DPP10: variants seen among roughly 807,000 people sequenced by gnomAD.
The protein encoded by DPP10 is dipeptidyl peptidase like 10.
Under a neutral mutation model 120.9 loss-of-function variants are expected in DPP10, and 33 were observed. The ratio of observed to expected loss-of-function variants is 0.27; its 90% confidence interval spans 0.21 to 0.37. DPP10 has a LOEUF of 0.37. Among genes scored for constraint, DPP10 ranks in the 10% least tolerant of loss-of-function variants. The pLI, the probability that DPP10 is intolerant of heterozygous loss-of-function variation, is 1.00. For synonymous variants in DPP10, 337 were observed against 326.1 expected (o/e 1.03, Z -0.36); for missense variants, 816 against 942.8 (o/e 0.87, Z 1.76).
At chr2:115,362,790 A>G (rs1489580000) in intron 3 of DPP10, among the ~76,000 whole-genome samples, 1 of 152,190 alleles carries the variant, frequency 6.6e-6, no homozygotes, top group African/African-American at 2.4e-5. Flanking sequence ...GACCTTTCCT[A>G]GGGAATGGTG....
chr2:114,551,472 T>C (rs541626578), intron 1 of DPP10, among the ~76,000 whole-genome samples: 11 of 152,248 alleles, frequency 7.2e-5, no homozygotes, highest in African/African-American at 2.7e-4. Flanking sequence ...AGAGCTAAAG[T>C]GAATTGAAGT....
intron 1 of DPP10, among the ~76,000 whole-genome samples, chr2:114,588,921 A>G (rs1691222635): frequency 6.6e-6 from 1 of 151,910 alleles, no homozygotes; most frequent in Non-Finnish European, 1.5e-5. Flanking sequence ...GTTCTATAGA[A>G]GTAGGAAACC....
intron 1 of DPP10, among the ~76,000 whole-genome samples, chr2:114,717,733 A>G (rs1204097547): frequency 1.3e-5 from 2 of 152,202 alleles, no homozygotes; most frequent in Non-Finnish European, 2.9e-5. Context: ...TACTGATGCT[A>G]TTATTAAATT....
intron 5 of DPP10, among the ~76,000 whole-genome samples, chr2:115,548,266 T>A (rs1198010047): frequency 6.6e-6 from 1 of 152,160 alleles, no homozygotes; most frequent in African/African-American, 2.4e-5. Flanking sequence ...ATTAGATCCT[T>A]CTTACCAACC....
intron 1 of DPP10, among the ~76,000 whole-genome samples, chr2:114,714,417 A>G (rs1701226567): frequency 6.6e-6 from 1 of 152,218 alleles, no homozygotes; most frequent in Non-Finnish European, 1.5e-5. Context: ...CACTAGTGAG[A>G]GCTGATGATG....
At chr2:115,401,831 A>G (rs1350262532) in intron 3 of DPP10, among the ~76,000 whole-genome samples, 1 of 152,162 alleles carries the variant, frequency 6.6e-6, no homozygotes, top group Non-Finnish European at 1.5e-5. Context: ...AGTGTGACCA[A>G]TACTCAAAAG....
intron 19 of DPP10, among the ~76,000 whole-genome samples, chr2:115,801,226 G>C (rs1346119225): frequency 6.6e-6 from 1 of 152,062 alleles, no homozygotes; most frequent in East Asian, 1.9e-4. Flanking sequence ...TCATGATTTG[G>C]CTCTCTGTTT....
intron 19 of DPP10, among the ~76,000 whole-genome samples, chr2:115,794,791 A>G (rs1178126610): frequency 1.3e-5 from 2 of 152,064 alleles, no homozygotes; most frequent in Non-Finnish European, 2.9e-5. Context: ...AACTTATTCT[A>G]TACACATCTG....
chr2:115,844,974 A>C lies in DPP10; in HGVS notation c.*2629A>C, dbSNP rs1339656085. ...GAAGGAATCACTCTTCAAAAGATGG[A>C]TCTCACTTCACTCTGAAAATGTGCC... On this transcript the variant is annotated 3_prime_UTR_variant, in exon 26 of 26. Transcript: ENST00000410059. 1 of 152,158 alleles carries C rather than the reference A, an allele frequency of 6.6e-6. No individual in the cohort carries two copies. Among genetic ancestry groups the C allele is most frequent in the African/African-American group, 2.4e-5 (1 of 41,442 alleles). 9.4% of individuals were successfully genotyped at this position (152,158 alleles called of 1,614,324 possible). A position where few individuals can be genotyped will look rare whatever the true frequency, so the allele number is the denominator to read the frequency against.
chr2:114,599,560 CT>C (rs1327386189), intron 1 of DPP10, among the ~76,000 whole-genome samples: 2 of 151,442 alleles, frequency 1.3e-5, no homozygotes, highest in Non-Finnish European at 3.0e-5. Flanking sequence ...ATCGTTTGCC[CT>C]TTTTTTCATT....
chr2:115,428,802 A>T (rs1442607436), intron 3 of DPP10, among the ~76,000 whole-genome samples: 6 of 152,156 alleles, frequency 3.9e-5, no homozygotes, highest in African/African-American at 1.4e-4. Context: ...TTGCCATGAG[A>T]GTATATTGAA....
intron 3 of DPP10, among the ~76,000 whole-genome samples, chr2:115,418,885 C>G (rs2069679054): frequency 6.6e-6 from 1 of 152,098 alleles, no homozygotes; most frequent in Admixed American, 6.6e-5. Flanking sequence ...GTTGGAAATT[C>G]TGACAAGAGT....
At chr2:114,592,935 A>G (rs552998082) in intron 1 of DPP10, among the ~76,000 whole-genome samples, 20 of 152,182 alleles carry the variant, frequency 1.3e-4, no homozygotes, top group African/African-American at 4.6e-4. Context: ...GTAAACCGCT[A>G]TGTGTTGTTG....
At chr2:114,514,025 G>A (rs1264475129) in intron 1 of DPP10, among the ~76,000 whole-genome samples, 1 of 152,160 alleles carries the variant, frequency 6.6e-6, no homozygotes, top group African/African-American at 2.4e-5. Context: ...TGTTATCCAA[G>A]GCATCTTTCC....
chr2:115,715,201 T>G (rs1673904995), intron 7 of DPP10, among the ~76,000 whole-genome samples: 1 of 150,168 alleles, frequency 6.7e-6, no homozygotes, highest in Admixed American at 6.6e-5. Context: ...TAGCTGGGCG[T>G]GGTGGCACAT....
intron 7 of DPP10, among the ~76,000 whole-genome samples, chr2:115,713,528 G>A (rs1170705494): frequency 5.3e-5 from 8 of 152,192 alleles, no homozygotes; most frequent in Non-Finnish European, 1.2e-4. Context: ...GTCTGTGTGA[G>A]GAAGGGGGTC....
chr2:114,667,105 G>C (rs1697983313), intron 1 of DPP10, among the ~76,000 whole-genome samples: 2 of 152,088 alleles, frequency 1.3e-5, no homozygotes, highest in Admixed American at 6.5e-5. Context: ...TGTGTTCATG[G>C]GCTCCAAAAT....
intron 7 of DPP10, among the ~76,000 whole-genome samples, chr2:115,712,071 C>T (rs1473481784): frequency 2.0e-5 from 3 of 151,518 alleles, no homozygotes; most frequent in East Asian, 2.0e-4. Flanking sequence ...AAGAGCATTA[C>T]ATTTATTGTG....
chr2:114,732,329 C>T (rs150187285), intron 1 of DPP10, among the ~76,000 whole-genome samples: 94 of 152,204 alleles, frequency 6.2e-4, no homozygotes, highest in African/African-American at 2.1e-3. Flanking sequence ...TGGATGCCAG[C>T]GCATAAGAGG....
Sources: gnomAD v4.1 joint callset for allele counts (sites outside exome capture counted in the v4.1 genomes callset) on GRCh38, gnomAD v4.1.1 for gene constraint, MANE v1.5 for transcripts, NCBI Gene and HGNC (gene_info 2026-07-23, HGNC 2026-07-21) for gene names.